ARMCX1: variants seen among roughly 807,000 people sequenced by gnomAD.
The protein encoded by ARMCX1 is armadillo repeat-containing X-linked protein 1.
In ARMCX1, 4 loss-of-function variants were observed where a neutral mutation model predicts 15.4. The ratio of observed to expected loss-of-function variants is 0.26; its 90% confidence interval spans 0.13 to 0.59. The LOEUF is 0.59. Among genes scored for constraint, ARMCX1 ranks in the 20% least tolerant of loss-of-function variants. The probability of loss-of-function intolerance (pLI) is 0.89; values close to 1 mark genes in which losing one functional copy is unlikely to be tolerated. For synonymous variants in ARMCX1, 144 were observed against 130.5 expected (o/e 1.10, Z -0.71); for missense variants, 273 against 337.1 (o/e 0.81, Z 1.49).
chrX:101,553,602 A>G lies in ARMCX1; in HGVS notation c.672A>G (p.Glu224=), dbSNP rs1406662430. Reference sequence around the variant, plus strand: ...GAACAAATGATCCTTTTATTCAAGAAGTAGCCTTGGTCACTCTGGGTAACA... The same window carrying G: ...GAACAAATGATCCTTTTATTCAAGAGGTAGCCTTGGTCACTCTGGGTAACA... The part of the protein sequence containing the change: ...LERTNDPFIQ[E]VALVTLGNNA... The change falls in exon 4 of 4, where the codon GAA becomes GAG. Residue 224 remains glutamate, a synonymous_variant. Transcript: ENST00000372829. The G allele has an allele frequency of 1.7e-6, 2 of 1,210,129 alleles. No homozygotes were observed. The highest frequency in any genetic ancestry group is 2.2e-6 in the Non-Finnish European group (2 of 895,048).
rs375523959 is a variant in ARMCX1 at position 101,554,146 on chromosome X, G to A, written c.1216G>A (p.Ala406Thr). The A allele has an allele frequency of 2.3e-5, 28 of 1,208,897 alleles. No homozygotes were observed. Among genetic ancestry groups the A allele is most frequent in the Non-Finnish European group, 2.9e-5 (26 of 894,810 alleles). The part of the protein sequence containing the change: ...INDNIKNEGL[A>T]SSRKEFSRSS... The stretch of plus-strand genomic sequence containing the variant: ...TGACAACATAAAAAATGAAGGGCTC[G>A]CATCATCCAGGAAAGAATTCAGCAG... Residue 406 changes from alanine (A) to threonine (T), a missense_variant, in exon 4 of 4, where the codon GCA (alanine) becomes ACA (threonine). Physicochemically the swap from Ala to Thr is moderately conservative, Grantham distance 58. Transcript: ENST00000372829.
chrX:101,552,976 A>G lies in ARMCX1; in HGVS notation c.46A>G (p.Ile16Val). The change falls in exon 4 of 4, where the codon ATC (isoleucine) becomes GTC (valine). Residue 16 changes from isoleucine to valine, a missense_variant. Around this residue, in one of 2 missense-constraint regions of ARMCX1, gnomAD observed 147 missense variants for 143.5 expected, o/e 1.02. Coordinates refer to ENST00000372829, the MANE Select transcript of ARMCX1 (RefSeq NM_016608.2). ...EAGCVAAGVV[I>V]GAGACYCVYR... ...TGGCTGCGTGGCCGCTGGTGTGGTT[A>G]TCGGGGCTGGTGCCTGCTACTGTGT... 2 of 1,211,601 alleles carry G rather than the reference A, an allele frequency of 1.7e-6. No homozygotes were observed. The highest frequency in any genetic ancestry group is 2.2e-6 in the Non-Finnish European group (2 of 895,444).
In ARMCX1 at chrX:101,554,484, G is replaced by C. The variant is rs1364169667; in HGVS notation, c.*192G>C. 2.7e-5 allele frequency: 10 copies of C among 372,868 alleles called. No homozygotes were observed. Among genetic ancestry groups the C allele is most frequent in the African/African-American group, 2.6e-5 (1 of 38,009 alleles). 30.7% of individuals were successfully genotyped at this position (372,868 alleles called of 1,213,427 possible). A position where few individuals can be genotyped will look rare whatever the true frequency, so the allele number is the denominator to read the frequency against. ...TTGGGTTTAGGATGAACCATTTTAA[G>C]GATGCCAAATGAAATATTAGTATTT... On this transcript the variant is annotated 3_prime_UTR_variant, in exon 4 of 4. Transcript: ENST00000372829.
rs781958602 is a variant in ARMCX1, at chrX:101,553,577, G to A, written c.647G>A (p.Arg216Gln). The A allele has an allele frequency of 9.1e-6, 11 of 1,211,602 alleles. No individual in the cohort carries two copies. The highest frequency in any genetic ancestry group is 1.2e-5 in the Non-Finnish European group (11 of 895,273). Residue 216 changes from arginine to glutamine, a missense_variant, in exon 4 of 4, where the codon CGA becomes CAA. Arg to Gln is a conservative substitution (Grantham distance 43). This residue lies in a region of ARMCX1 where 126 missense variants were observed against 193.6 expected (regional missense o/e 0.65). Transcript: ENST00000372829. Reference protein sequence around the residue: ...DLQKVLNILERTNDPFIQEVA... With the variant: ...DLQKVLNILEQTNDPFIQEVA... Reference sequence around the variant, plus strand: ...CAAAAGGTCCTCAACATCCTGGAGCGAACAAATGATCCTTTTATTCAAGAA... The same window carrying A: ...CAAAAGGTCCTCAACATCCTGGAGCAAACAAATGATCCTTTTATTCAAGAA...
At position 101,552,004 on chromosome X, in the gene ARMCX1, A is replaced by G. The variant is rs782307046; in HGVS notation, c.-123+371A>G. Reference sequence around the variant, plus strand: ...CTCCGGAGCAGAGGTAGTTGGTATAATGACACGGGGTGGGGGGGGGGGGCG... The same window carrying G: ...CTCCGGAGCAGAGGTAGTTGGTATAGTGACACGGGGTGGGGGGGGGGGGCG... On this transcript the variant is annotated intron_variant, in intron 3 of 3. Coordinates refer to ENST00000372829, the MANE Select transcript of ARMCX1 (RefSeq NM_016608.2). Among the ~76,000 whole-genome samples the G allele has an allele frequency of 4.1e-4, 7 of 17,036 alleles. No homozygotes were observed. In the South Asian group the frequency reaches 0.042, roughly 102 times the overall value. 14.8% of individuals were successfully genotyped at this position (17,036 alleles called of 115,157 possible).
At position 101,554,145 on chromosome X, in the gene ARMCX1, C is replaced by A. The variant is rs1287219528; in HGVS notation, c.1215C>A (p.Leu405=). ...ATGACAACATAAAAAATGAAGGGCT[C>A]GCATCATCCAGGAAAGAATTCAGCA... ...NINDNIKNEG[L]ASSRKEFSRS... The change falls in exon 4 of 4, where the codon CTC becomes CTA. Residue 405 remains leucine, a synonymous_variant. Coordinates refer to ENST00000372829, the MANE Select transcript of ARMCX1 (RefSeq NM_016608.2). The A allele has an allele frequency of 1.5e-5, 18 of 1,208,996 alleles. No individual in the cohort carries two copies. Among genetic ancestry groups the A allele is most frequent in the Non-Finnish European group, 2.0e-5 (18 of 894,873 alleles).
In ARMCX1 at chrX:101,553,685, T is replaced by C. The variant is rs782631305; in HGVS notation, c.755T>C (p.Ile252Thr). 1 of 1,211,487 alleles carries C rather than the reference T, an allele frequency of 8.3e-7. No individual in the cohort carries two copies. The highest frequency in any genetic ancestry group is 1.8e-5 in the South Asian group (1 of 56,977). ...AIRELGGVPI[I>T]AKLIKTKDPI... ...CGTGAATTGGGTGGTGTCCCAATTA[T>C]TGCAAAACTGATAAAAACAAAAGAC... is the stretch of plus-strand genomic sequence containing the variant. The change falls in exon 4 of 4, where the codon ATT becomes ACT. Residue 252 changes from isoleucine (I) to threonine (T), a missense_variant. Ile to Thr is a moderately conservative substitution (Grantham distance 89). Transcript: ENST00000372829.
In ARMCX1 at chrX:101,554,201, C is replaced by T; in HGVS notation, c.1271C>T (p.Ser424Phe). 1 of 1,208,307 alleles carries T rather than the reference C, an allele frequency of 8.3e-7. No homozygotes were observed. Among genetic ancestry groups the T allele is most frequent in the African/African-American group, 1.7e-5 (1 of 57,624 alleles). The change falls in exon 4 of 4, where the codon TCT (serine) becomes TTT (phenylalanine). Residue 424 changes from serine to phenylalanine, a missense_variant. This residue lies in a region of ARMCX1 where 126 missense variants were observed against 193.6 expected (regional missense o/e 0.65). Coordinates refer to ENST00000372829, the MANE Select transcript of ARMCX1 (RefSeq NM_016608.2). The part of the protein sequence containing the change: ...RSSLFFLFKE[S>F]GVCVKKIKAL... Reference sequence around the variant, plus strand: ...TCACTTTTTTTCTTATTCAAAGAGTCTGGAGTTTGTGTTAAGAAAATCAAA... The same window carrying T: ...TCACTTTTTTTCTTATTCAAAGAGTTTGGAGTTTGTGTTAAGAAAATCAAA...
rs782046340 is a variant in ARMCX1 at position 101,554,193 on chromosome X, C to T, written c.1263C>T (p.Phe421=). Residue 421 remains phenylalanine (F), a synonymous_variant, in exon 4 of 4, where the codon TTC becomes TTT. Coordinates refer to ENST00000372829, the MANE Select transcript of ARMCX1 (RefSeq NM_016608.2). ...GCAGAAGTTCACTTTTTTTCTTATTCAAAGAGTCTGGAGTTTGTGTTAAGA... is the reference window on the plus strand; with the variant it reads ...GCAGAAGTTCACTTTTTTTCTTATTTAAAGAGTCTGGAGTTTGTGTTAAGA... The part of the protein sequence containing the change: ...EFSRSSLFFL[F]KESGVCVKKI... 8.3e-7 allele frequency: 1 copy of T among 1,209,459 alleles called. No homozygotes were observed. Among genetic ancestry groups the T allele is most frequent in the Admixed American group, 2.2e-5 (1 of 45,708 alleles).
At position 101,553,923 on chromosome X, in the gene ARMCX1, C is replaced by G; in HGVS notation, c.993C>G (p.Asp331Glu). The change falls in exon 4 of 4, where the codon GAC becomes GAG. Residue 331 changes from aspartate (D) to glutamate (E), a missense_variant. By Grantham distance (45) the Asp-to-Glu change is conservative. Coordinates refer to ENST00000372829, the MANE Select transcript of ARMCX1 (RefSeq NM_016608.2). ...ATTTGCTTTCCTATTCTTTTCCAGA[C>G]TTTTTTGCTTTGTTATTCCTGGGAA... ...YQHLLSYSFP[D>E]FFALLFLGNH... The G allele has an allele frequency of 8.3e-7, 1 of 1,211,016 alleles. No homozygotes were observed. Among genetic ancestry groups the G allele is most frequent in the Non-Finnish European group, 1.1e-6 (1 of 895,147 alleles).
rs1761795918 is a variant in ARMCX1, at chrX:101,553,201, A to G, written c.271A>G (p.Lys91Glu). Residue 91 changes from lysine to glutamate, a missense_variant, in exon 4 of 4, where the codon AAA becomes GAA. Lys to Glu is a moderately conservative substitution (Grantham distance 56). Transcript: ENST00000372829. Reference protein sequence around the residue: ...SLGLEDCPGVKEKAHSGSHSG... With the variant: ...SLGLEDCPGVEEKAHSGSHSG... ...GGGACTCGAGGATTGTCCGGGTGTA[A>G]AAGAGAAGGCCCATTCAGGATCCCA... The G allele has an allele frequency of 5.0e-6, 6 of 1,211,940 alleles. No homozygotes were observed. The highest frequency in any genetic ancestry group is 6.7e-6 in the Non-Finnish European group (6 of 895,543).
Position 101,553,661 on chromosome X carries a change from G to A in ARMCX1, c.731G>A (p.Arg244His), listed in dbSNP as rs1556027439. 8.3e-7 allele frequency: 1 copy of A among 1,211,537 alleles called. No homozygotes were observed. Among genetic ancestry groups the A allele is most frequent in the Non-Finnish European group, 1.1e-6 (1 of 895,461 alleles). Reference sequence around the variant, plus strand: ...TATTCATTTAACCAGAATGCCATACGTGAATTGGGTGGTGTCCCAATTATT... The same window carrying A: ...TATTCATTTAACCAGAATGCCATACATGAATTGGGTGGTGTCCCAATTATT... ...AAYSFNQNAI[R>H]ELGGVPIIAK... The change falls in exon 4 of 4, where the codon CGT becomes CAT. Residue 244 changes from arginine (R) to histidine (H), a missense_variant. Coordinates refer to ENST00000372829, the MANE Select transcript of ARMCX1 (RefSeq NM_016608.2).
In ARMCX1 at chrX:101,550,568, G is replaced by T. The variant is rs952343603; in HGVS notation, c.-334G>T. 7.2e-5 allele frequency: 8 copies of T among 111,554 alleles called. No individual in the cohort carries two copies. Among genetic ancestry groups the T allele is most frequent in the African/African-American group, 2.6e-4 (8 of 30,682 alleles). 9.2% of individuals were successfully genotyped at this position (111,554 alleles called of 1,213,427 possible). The stretch of plus-strand genomic sequence containing the variant: ...AGACGTCCTTCTAATCCTAGTCTTC[G>T]TTTGGTCCGGTTGCACTCTTCCTAT... On this transcript the variant is annotated 5_prime_UTR_variant, in exon 1 of 4. Transcript: ENST00000372829.
At position 101,552,815 on chromosome X, in the gene ARMCX1, C is replaced by A; in HGVS notation, c.-116C>A. On this transcript the variant is annotated 5_prime_UTR_variant, in exon 4 of 4. In the 5' UTR this introduces an upstream ATG that the reference lacks. Transcript: ENST00000372829. ...ATGCATCCTTTATTCCTAGGTCGAGCTGCCTCAGAGCCGGCCCGCAGTAGC... is the reference window on the plus strand; with the variant it reads ...ATGCATCCTTTATTCCTAGGTCGAGATGCCTCAGAGCCGGCCCGCAGTAGC... 2 of 864,560 alleles carry A rather than the reference C, an allele frequency of 2.3e-6. No homozygotes were observed. Among genetic ancestry groups the A allele is most frequent in the Non-Finnish European group, 3.2e-6 (2 of 626,697 alleles). 71.2% of individuals were successfully genotyped at this position (864,560 alleles called of 1,213,427 possible).
rs782811116 is a variant in ARMCX1 at position 101,553,312 on chromosome X, A to G, written c.382A>G (p.Arg128Gly). 8.3e-7 allele frequency: 1 copy of G among 1,209,546 alleles called. No homozygotes were observed. Among genetic ancestry groups the G allele is most frequent in the Non-Finnish European group, 1.1e-6 (1 of 894,519 alleles). ...AAGTGCAAAGGCAGGCAAAGGGGCT[A>G]GGGTGGGTACCATCTCTGGGAACAG... Reference protein sequence around the residue: ...QASAKAGKGARVGTISGNRTL... With the variant: ...QASAKAGKGAGVGTISGNRTL... The change falls in exon 4 of 4, where the codon AGG (arginine) becomes GGG (glycine). Residue 128 changes from arginine to glycine, a missense_variant. Arg to Gly is a moderately radical substitution (Grantham distance 125). Around this residue, in one of 2 missense-constraint regions of ARMCX1, gnomAD observed 147 missense variants for 143.5 expected, o/e 1.02. Coordinates refer to ENST00000372829, the MANE Select transcript of ARMCX1 (RefSeq NM_016608.2).
intron 2 of ARMCX1, among the ~76,000 whole-genome samples, 196 bp from the exon 3 acceptor site, chrX:101,551,373 G>T (rs1201890341): frequency 9.0e-6 from 1 of 111,113 alleles, no homozygotes; most frequent in Non-Finnish European, 1.9e-5. Flanking sequence ...GGGCGGGGAC[G>T]GGGGTAGGGG....
At position 101,554,337 on chromosome X, in the gene ARMCX1, C is replaced by G; in HGVS notation, c.*45C>G. 9.1e-7 allele frequency: 1 copy of G among 1,104,151 alleles called. No homozygotes were observed. Among genetic ancestry groups the G allele is most frequent in the South Asian group, 2.2e-5 (1 of 44,990 alleles). The allele number at this position is 1,104,151 out of a possible 1,213,427, so 91.0% of individuals were successfully genotyped here. On this transcript the variant is annotated 3_prime_UTR_variant, in exon 4 of 4. Coordinates refer to ENST00000372829, the MANE Select transcript of ARMCX1 (RefSeq NM_016608.2). ...AATATTGAGATATTTGCAGTTGGTA[C>G]GATGTGATTTGTAAATTCTTTGTTT...
At position 101,552,827 on chromosome X, in the gene ARMCX1, C is replaced by T. The variant is rs1393419335; in HGVS notation, c.-104C>T. ...TTCCTAGGTCGAGCTGCCTCAGAGCCGGCCCGCAGTAGCTGCAGACTCCGC... is the reference window on the plus strand; with the variant it reads ...TTCCTAGGTCGAGCTGCCTCAGAGCTGGCCCGCAGTAGCTGCAGACTCCGC... On this transcript the variant is annotated 5_prime_UTR_variant, in exon 4 of 4. Transcript: ENST00000372829. The T allele has an allele frequency of 5.2e-6, 5 of 970,159 alleles. No individual in the cohort carries two copies. The African/African-American group carries it at 9.7e-5, about 19-fold the overall frequency. The allele number at this position is 970,159 out of a possible 1,213,427, so 80.0% of individuals were successfully genotyped here.
chrX:101,553,385 G>A lies in ARMCX1; in HGVS notation c.455G>A (p.Cys152Tyr). Residue 152 changes from cysteine (C) to tyrosine (Y), a missense_variant, in exon 4 of 4, where the codon TGC becomes TAC. Coordinates refer to ENST00000372829, the MANE Select transcript of ARMCX1 (RefSeq NM_016608.2). The part of the protein sequence containing the change: ...LPCPGGRGGG[C>Y]HPTRSGSRAG... Reference sequence around the variant, plus strand: ...TGCCCAGGAGGCAGGGGTGGAGGCTGCCACCCCACCAGGAGTGGATCTAGG... The same window carrying A: ...TGCCCAGGAGGCAGGGGTGGAGGCTACCACCCCACCAGGAGTGGATCTAGG... 1 of 1,187,818 alleles carries A rather than the reference G, an allele frequency of 8.4e-7. No homozygotes were observed. The highest frequency in any genetic ancestry group is 1.9e-5 in the South Asian group (1 of 52,366).
Sources: allele counts gnomAD v4.1 joint callset (sites outside exome capture counted in the v4.1 genomes callset), GRCh38; gene constraint gnomAD v4.1.1; regional missense constraint gnomAD v4.1.1; transcripts MANE v1.5; gene names NCBI Gene and HGNC (gene_info 2026-07-23, HGNC 2026-07-21).